Variants in SLC24A2 observed in about 807,000 individuals in gnomAD.
The protein encoded by SLC24A2 is solute carrier family 24 member 2, also known as sodium/potassium/calcium exchanger 2.
In SLC24A2, 36 loss-of-function variants were observed where a neutral mutation model predicts 62.0. The observed-to-expected ratio is 0.58, with a 90% CI of 0.44 to 0.77. The LOEUF is 0.77. Ranked by LOEUF, SLC24A2 falls within the 30% of genes least tolerant of loss-of-function variation. SLC24A2 has a pLI of 0.00. For synonymous variants in SLC24A2, 358 were observed against 294.0 expected (o/e 1.22, Z -2.23); for missense variants, 846 against 817.9 (o/e 1.03, Z -0.42).
At chr9:20,024,512 A>C in the SLC24A2 span, among the ~76,000 whole-genome samples, 1 of 152,202 alleles carries the variant, frequency 6.6e-6, no homozygotes, top group Admixed American at 6.5e-5. Flanking sequence ...GCCTTTCTAC[A>C]TTAATTGGTT....
At chr9:20,236,839 A>G in the SLC24A2 span, among the ~76,000 whole-genome samples, 1 of 152,080 alleles carries the variant, frequency 6.6e-6, no homozygotes, top group South Asian at 2.1e-4. Flanking sequence ...TGTACCAGAC[A>G]TGAGGGTGAT....
At chr9:19,557,674 G>C (rs1378198089) in intron 7 of SLC24A2, among the ~76,000 whole-genome samples, 1 of 152,054 alleles carries the variant, frequency 6.6e-6, no homozygotes, top group African/African-American at 2.4e-5. Flanking sequence ...GAATATTGGT[G>C]TCTGAGTATG....
the SLC24A2 span, among the ~76,000 whole-genome samples, chr9:19,837,643 T>G: frequency 6.6e-6 from 1 of 152,058 alleles, no homozygotes. Context: ...TGTTTGCAGA[T>G]GACATAATTG....
the SLC24A2 span, among the ~76,000 whole-genome samples, chr9:20,090,101 C>G: frequency 6.6e-6 from 1 of 152,100 alleles, no homozygotes; most frequent in African/African-American, 2.4e-5. Flanking sequence ...AGCAGCTGAC[C>G]CAAGGAGAGG....
intron 10 of SLC24A2, 45 bp from the exon 11 acceptor site, chr9:19,516,447 G>A (rs1248483125): frequency 3.1e-6 from 5 of 1,607,508 alleles, no homozygotes; most frequent in Admixed American, 1.7e-5. Context: ...GAAGACAAGG[G>A]AGTAGTCAGA....
In SLC24A2 at chr9:19,560,936, G is replaced by GACAGAC. The variant is rs1360808191; in HGVS notation, c.1348-10669_1348-10668insGTCTGT. Among the ~76,000 whole-genome samples, 404 of 126,316 alleles carry GACAGAC rather than the reference G, an allele frequency of 3.2e-3. 1 individual carries two copies. Among genetic ancestry groups the GACAGAC allele is most frequent in the African/African-American group, 0.011 (378 of 33,328 alleles). The allele number at this position is 126,316 out of a possible 152,430, so 82.9% of individuals were successfully genotyped here. ...ATATATAGAGAGAGAGAGAGAGAGA[G>GACAGAC]AGAGAGAGAGACAGAGTCTTACTCT... On this transcript the variant is annotated intron_variant, in intron 7 of 10. Transcript: ENST00000341998.
At chr9:20,155,269 T>C in the SLC24A2 span, among the ~76,000 whole-genome samples, 1 of 151,660 alleles carries the variant, frequency 6.6e-6, no homozygotes, top group Admixed American at 6.6e-5. Flanking sequence ...GTGCTTAAAA[T>C]AAAAGTACCT....
At chr9:19,806,368 C>A in the SLC24A2 span, among the ~76,000 whole-genome samples, 1 of 151,980 alleles carries the variant, frequency 6.6e-6, no homozygotes, top group Admixed American at 6.6e-5. Flanking sequence ...AGGGCATGCA[C>A]TTGGGAAGCA....
At chr9:19,552,955 T>C (rs1440063986) in intron 7 of SLC24A2, among the ~76,000 whole-genome samples, 1 of 152,230 alleles carries the variant, frequency 6.6e-6, no homozygotes, top group African/African-American at 2.4e-5. Flanking sequence ...TAGCTGTTGC[T>C]AGGGCAGAAA....
chr9:19,673,464 T>TGC (rs1554696240), intron 2 of SLC24A2, among the ~76,000 whole-genome samples: 1 of 151,626 alleles, frequency 6.6e-6, no homozygotes, highest in African/African-American at 2.4e-5. Flanking sequence ...TGTGTGTGTG[T>TGC]TTGAGACACA....
chr9:19,568,108 G>A (rs1315220798), intron 7 of SLC24A2, among the ~76,000 whole-genome samples: 1 of 152,262 alleles, frequency 6.6e-6, no homozygotes, highest in East Asian at 1.9e-4. Context: ...ACTCTTAACG[G>A]AACTTGCTAA....
intron 2 of SLC24A2, among the ~76,000 whole-genome samples, chr9:19,688,783 G>A (rs1819959187): frequency 6.6e-6 from 1 of 152,104 alleles, no homozygotes; most frequent in South Asian, 2.1e-4. Flanking sequence ...CCCTAAGCCA[G>A]AGGAATGCCT....
the SLC24A2 span, among the ~76,000 whole-genome samples, chr9:20,140,332 A>G: frequency 1.3e-5 from 2 of 152,150 alleles, no homozygotes; most frequent in East Asian, 3.9e-4. Context: ...CAGCGTTGAA[A>G]GCACTCAAGT....
the SLC24A2 span, among the ~76,000 whole-genome samples, chr9:20,170,320 T>G: frequency 1.3e-5 from 2 of 151,876 alleles, no homozygotes; most frequent in Admixed American, 1.3e-4. Flanking sequence ...TGCAGAAGGG[T>G]AGCACTCCCA....
chr9:19,880,878 A>C, the SLC24A2 span, among the ~76,000 whole-genome samples: 1 of 152,206 alleles, frequency 6.6e-6, no homozygotes, highest in African/African-American at 2.4e-5. Flanking sequence ...TTTGGGGGTC[A>C]TCAAGGAGGT....
the SLC24A2 span, among the ~76,000 whole-genome samples, chr9:20,157,439 A>G: frequency 2.0e-5 from 3 of 151,768 alleles, no homozygotes; most frequent in East Asian, 5.8e-4. Flanking sequence ...AAACAGGGGA[A>G]TTGAACAGAA....
chr9:20,198,494 C>G, the SLC24A2 span, among the ~76,000 whole-genome samples: 8 of 152,192 alleles, frequency 5.3e-5, no homozygotes, highest in African/African-American at 1.9e-4. Context: ...CCCTGACTTA[C>G]TCCGTGCAGT....
the SLC24A2 span, among the ~76,000 whole-genome samples, chr9:20,207,027 T>C: frequency 2.6e-5 from 4 of 152,140 alleles, no homozygotes; most frequent in Non-Finnish European, 5.9e-5. Flanking sequence ...TCCTTGAGGG[T>C]AAACACTGAA....
chr9:20,141,937 G>A, the SLC24A2 span, among the ~76,000 whole-genome samples: 1 of 152,164 alleles, frequency 6.6e-6, no homozygotes, highest in South Asian at 2.1e-4. Context: ...ACGAAAATTA[G>A]CTCAGTGTAG....
Sources: gnomAD v4.1 joint callset for allele counts (sites outside exome capture counted in the v4.1 genomes callset) on GRCh38, gnomAD v4.1.1 for gene constraint, MANE v1.5 for transcripts, NCBI Gene and HGNC (gene_info 2026-07-23, HGNC 2026-07-21) for gene names.